TACR3: variants seen among roughly 807,000 people sequenced by gnomAD.
TACR3 encodes tachykinin receptor 3.
TACR3 carries 34 observed loss-of-function variants against 35.0 expected under a neutral mutation model. The ratio of observed to expected loss-of-function variants is 0.97; its 90% CI spans 0.74 to 1.30. TACR3 has a LOEUF of 1.30. Among genes scored for constraint, TACR3 ranks in the 50% most tolerant of loss-of-function variants. The probability of loss-of-function intolerance (pLI) is 0.00; values close to 1 mark genes in which losing one functional copy is unlikely to be tolerated. For synonymous variants in TACR3, 233 were observed against 221.1 expected, an observed-to-expected ratio of 1.05 and a Z score of -0.48; for missense variants, 558 against 591.7, an observed-to-expected ratio of 0.94 and a Z score of 0.59.
rs560178001 is a variant in TACR3 at position 103,637,870 on chromosome 4, C to A, written c.888+18324G>T. Among the ~76,000 whole-genome samples, 23 of 152,154 alleles carry A rather than the reference C, an allele frequency of 1.5e-4. 1 individual carries two copies. The South Asian group carries it at 4.8e-3, about 32-fold the overall frequency. On this transcript the variant is annotated intron_variant, in intron 3 of 4. Transcript: ENST00000304883. ...CAAAGAGAATAAAAAACCTAGGGATCCAACTTACCAGGGATGTGAAGGACC... is the reference window on the plus strand; with the variant it reads ...CAAAGAGAATAAAAAACCTAGGGATACAACTTACCAGGGATGTGAAGGACC...
chr4:103,589,826 T>C lies in TACR3; in HGVS notation c.1254A>G (p.Ala418=), dbSNP rs1455183095. The change falls in exon 5 of 5, where the codon GCA becomes GCG. Residue 418 remains alanine (A), a synonymous_variant. Transcript: ENST00000304883. ...SMTVVFDPND[A]DTTRSSRKKR... The stretch of plus-strand genomic sequence containing the variant: ...TCTTCCGACTGGACCTGGTGGTGTC[T>C]GCATCGTTGGGGTCAAACACGACTG... 6.2e-7 allele frequency: 1 copy of C among 1,613,994 alleles called. No individual in the cohort carries two copies.
chr4:103,593,017 G>C (rs186902277), intron 3 of TACR3, among the ~76,000 whole-genome samples: 8 of 152,232 alleles, frequency 5.3e-5, no homozygotes, highest in Non-Finnish European at 7.4e-5. Context: ...AATATCTTTT[G>C]ATTTTCCCAG....
intron 3 of TACR3, among the ~76,000 whole-genome samples, chr4:103,655,866 T>C (rs1725723582): frequency 6.6e-6 from 1 of 151,896 alleles, no homozygotes; most frequent in African/African-American, 2.4e-5. Flanking sequence ...TTTCAATAAA[T>C]GACAAAGAAA....
At chr4:103,653,437 T>C (rs1725666457) in intron 3 of TACR3, among the ~76,000 whole-genome samples, 1 of 152,102 alleles carries the variant, frequency 6.6e-6, no homozygotes, top group African/African-American at 2.4e-5. Flanking sequence ...AGAAAAACTA[T>C]AATCTACAAT....
At chr4:103,695,443 A>G (rs899636308) in intron 1 of TACR3, among the ~76,000 whole-genome samples, 1 of 152,124 alleles carries the variant, frequency 6.6e-6, no homozygotes, top group African/African-American at 2.4e-5. Context: ...CTTTCACTTA[A>G]TGAATAGTAT....
chr4:103,674,523 C>G (rs901050936), intron 1 of TACR3, among the ~76,000 whole-genome samples: 10 of 152,090 alleles, frequency 6.6e-5, no homozygotes, highest in African/African-American at 2.4e-4. Flanking sequence ...CATAATTCAA[C>G]TGATGAGGAC....
intron 1 of TACR3, among the ~76,000 whole-genome samples, chr4:103,690,507 A>G (rs913645917): frequency 7.2e-5 from 11 of 152,136 alleles, no homozygotes; most frequent in African/African-American, 2.7e-4. Flanking sequence ...AAGCAAAAAC[A>G]GAACAAAAGG....
chr4:103,601,576 G>C (rs1275798224), intron 3 of TACR3, among the ~76,000 whole-genome samples: 1 of 152,138 alleles, frequency 6.6e-6, no homozygotes, highest in African/African-American at 2.4e-5. Context: ...TTTAGGGCAG[G>C]CCTGGTGGTG....
At chr4:103,622,167 C>A (rs914800322) in intron 3 of TACR3, among the ~76,000 whole-genome samples, 7 of 151,944 alleles carry the variant, frequency 4.6e-5, no homozygotes, top group Admixed American at 4.6e-4. Flanking sequence ...AATTTAGGAA[C>A]AAAGAAGTCA....
chr4:103,616,347 T>C (rs1177244003), intron 3 of TACR3, among the ~76,000 whole-genome samples: 2 of 152,028 alleles, frequency 1.3e-5, no homozygotes, highest in Non-Finnish European at 1.5e-5. Flanking sequence ...ACAGAGCATA[T>C]ACATAAATAA....
At chr4:103,608,192 A>G (rs1199630550) in intron 3 of TACR3, among the ~76,000 whole-genome samples, 2 of 152,108 alleles carry the variant, frequency 1.3e-5, no homozygotes, top group African/African-American at 4.8e-5. Flanking sequence ...GATAAAGAAA[A>G]TGTGGTTCAT....
intron 1 of TACR3, among the ~76,000 whole-genome samples, chr4:103,679,495 G>A (rs980442854): frequency 2.0e-5 from 3 of 151,880 alleles, no homozygotes; most frequent in African/African-American, 7.2e-5. Flanking sequence ...TTCCTGAAAC[G>A]GGTGCAAAGA....
intron 3 of TACR3, among the ~76,000 whole-genome samples, chr4:103,617,260 G>A (rs934601802): frequency 6.7e-6 from 1 of 149,128 alleles, no homozygotes; most frequent in African/African-American, 2.5e-5. Context: ...TAGTTATAAT[G>A]AGTTAAAAAA....
intron 3 of TACR3, among the ~76,000 whole-genome samples, chr4:103,627,124 G>A (rs914962317): frequency 4.3e-5 from 6 of 139,732 alleles, no homozygotes; most frequent in South Asian, 2.3e-4. Flanking sequence ...GGAGGTTGCC[G>A]TGAGCCGAGA....
chr4:103,692,806 G>T (rs1437711042), intron 1 of TACR3, among the ~76,000 whole-genome samples: 2 of 152,142 alleles, frequency 1.3e-5, no homozygotes, highest in Non-Finnish European at 2.9e-5. Flanking sequence ...ACCTCAGTGT[G>T]AGTTCTGAGG....
chr4:103,654,754 G>C (rs1377849881), intron 3 of TACR3, among the ~76,000 whole-genome samples: 1 of 151,536 alleles, frequency 6.6e-6, no homozygotes, highest in Non-Finnish European at 1.5e-5. Flanking sequence ...GTACTATAGA[G>C]AAATTATTCT....
chr4:103,703,731 G>T (rs1044863726), intron 1 of TACR3, among the ~76,000 whole-genome samples: 1 of 152,080 alleles, frequency 6.6e-6, no homozygotes, highest in Non-Finnish European at 1.5e-5. Context: ...TCTCATGCTG[G>T]ACATTTGATT....
In TACR3 at chr4:103,586,256, G is replaced by A. The variant is rs1723770573; in HGVS notation, c.*3426C>T. ...ATGAAAACACAAAACTAATGACCTTGTACAGCCCTTCTGAACTTTATTCTC... is the reference window on the plus strand; with the variant it reads ...ATGAAAACACAAAACTAATGACCTTATACAGCCCTTCTGAACTTTATTCTC... On this transcript the variant is annotated 3_prime_UTR_variant, in exon 5 of 5. Coordinates refer to ENST00000304883, the MANE Select transcript of TACR3 (RefSeq NM_001059.3). 1 of 151,486 alleles carries A rather than the reference G, an allele frequency of 6.6e-6. No homozygotes were observed. Among genetic ancestry groups the A allele is most frequent in the South Asian group, 2.1e-4 (1 of 4,804 alleles). The allele number at this position is 151,486 out of a possible 1,614,324, so 9.4% of individuals were successfully genotyped here.
chr4:103,628,797 A>G (rs1217955923), intron 3 of TACR3, among the ~76,000 whole-genome samples: 1 of 151,912 alleles, frequency 6.6e-6, no homozygotes, highest in Non-Finnish European at 1.5e-5. Flanking sequence ...AACTCATTTT[A>G]TGAGGCAAGC....
Sources: allele counts gnomAD v4.1 joint callset (sites outside exome capture counted in the v4.1 genomes callset), GRCh38; gene constraint gnomAD v4.1.1; transcripts MANE v1.5; gene names NCBI Gene and HGNC (gene_info 2026-07-23, HGNC 2026-07-21).